The following DCTN1 variants were observed in gnomAD, a reference collection of about 807,000 sequenced individuals.
DCTN1 encodes the protein dynactin subunit 1.
DCTN1 carries 61 observed loss-of-function variants against 161.2 expected under a neutral mutation model. The ratio of observed to expected loss-of-function variants is 0.38; its 90% CI spans 0.31 to 0.47. The LOEUF (loss-of-function observed/expected upper bound fraction) is 0.47, where lower values mean the gene tolerates loss of function less well. Ranked by LOEUF, DCTN1 falls within the 20% of genes least tolerant of loss-of-function variation. The probability of loss-of-function intolerance (pLI) is 0.99; values close to 1 mark genes in which losing one functional copy is unlikely to be tolerated. For missense variants in DCTN1, 1,404 were observed against 1,623.7 expected (o/e 0.86, Z 2.33); for synonymous variants, 653 against 632.4 (o/e 1.03, Z -0.49).
chr2:74,362,537 A>G, intron 30 of DCTN1, 113 bp downstream of exon 30: 1 of 1,125,954 alleles, frequency 8.9e-7, no homozygotes, highest in Non-Finnish European at 1.3e-6. Context: ...CTTCCCTTCC[A>G]TCTCCTCCCC....
Position 74,368,821 on chromosome 2 carries a change from C to G in DCTN1, c.1761G>C (p.Leu587=), listed in dbSNP as rs772554067. 11 of 1,614,296 alleles carry G rather than the reference C, an allele frequency of 6.8e-6. No homozygotes were observed. Among genetic ancestry groups the G allele is most frequent in the Non-Finnish European group, 9.3e-6 (11 of 1,180,056 alleles). ...EVAQANRHMS[L]LTAFMPDSFL... is the part of the protein sequence containing the mutation. ...AGCTGTCAGGCATGAAGGCTGTCAG[C>G]AGGGACATGTGTCGATTGGCCTGGG... Residue 587 remains leucine (L), a synonymous_variant, in exon 16 of 32, where the codon CTG becomes CTC. Transcript: ENST00000628224.
In DCTN1 at chr2:74,363,078, A is replaced by G; in HGVS notation, c.3445T>C (p.Tyr1149His). 1.2e-6 allele frequency: 2 copies of G among 1,613,908 alleles called. No homozygotes were observed. The highest frequency in any genetic ancestry group is 1.7e-6 in the Non-Finnish European group (2 of 1,179,900). Residue 1149 changes from tyrosine to histidine, a missense_variant, in exon 29 of 32, where the codon TAT (tyrosine) becomes CAT (histidine). Tyr to His is a moderately conservative substitution (Grantham distance 83, BLOSUM62 2). This residue lies in a region of DCTN1 where 311 missense variants were observed against 298.9 expected (regional missense o/e 1.04). Transcript: ENST00000628224. ...PGSELPAGAL[Y>H]RKTSQLLETL... ...TCCAGCAGCTGGCTGGTCTTACGAT[A>G]CAGCGCTCCAGCTGGTAACTCACTG...
chr2:74,370,930 T>G lies in DCTN1; in HGVS notation c.843+49A>C, dbSNP rs1674793361. ...GCTCCAGTCTAGTTTCCAGCATGCT[T>G]CCTTAGGTCTCAGGCTGCCCCAGCC... On this transcript the variant is annotated intron_variant, in intron 9 of 31. Coordinates refer to ENST00000628224, the MANE Select transcript of DCTN1 (RefSeq NM_004082.5). This position sits in a 1 kb window ranked among gnomAD's most constrained non-coding sequence, Gnocchi z 4.4. 6.2e-7 allele frequency: 1 copy of G among 1,613,088 alleles called. No individual in the cohort carries two copies. The highest frequency in any genetic ancestry group is 1.3e-5 in the African/African-American group (1 of 74,884).
chr2:74,363,845 A>G, intron 26 of DCTN1: 1 of 654,626 alleles, frequency 1.5e-6, no homozygotes, highest in Non-Finnish European at 2.8e-6. Context: ...GTGAGGCCAC[A>G]AGACAGGGTA....
intron 23 of DCTN1, 42 bp from the exon 24 acceptor site, chr2:74,366,060 A>T (rs756911529): frequency 6.2e-7 from 1 of 1,613,980 alleles, no homozygotes; most frequent in Non-Finnish European, 8.5e-7. Context: ...GAGGGTGGAG[A>T]GAAGAGATCA....
At position 74,378,323 on chromosome 2, in the gene DCTN1, G is replaced by A; in HGVS notation, c.34-78C>T. On this transcript the variant is annotated intron_variant, in intron 1 of 31. Coordinates refer to ENST00000628224, the MANE Select transcript of DCTN1 (RefSeq NM_004082.5). ...ATTCTTATGTATAAGAAATGCCTCA[G>A]CCAAGATGCTGGACTGAAAAACAAC... 7.0e-6 allele frequency: 11 copies of A among 1,566,074 alleles called. No homozygotes were observed. The South Asian group carries it at 1.0e-4, about 14-fold the overall frequency.
At chr2:74,371,409 G>T in intron 8 of DCTN1, 128 bp downstream of exon 8, 1 of 1,249,534 alleles carries the variant, frequency 8.0e-7, no homozygotes, top group Non-Finnish European at 1.1e-6. Context: ...ATATCCATAG[G>T]CTATGTCCTC....
intron 2 of DCTN1, 37 bp from the exon 3 acceptor site, chr2:74,377,763 C>A: frequency 6.3e-7 from 1 of 1,589,396 alleles, no homozygotes. Flanking sequence ...TCAATAGTTT[C>A]AATATAGCCA....
At position 74,369,530 on chromosome 2, in the gene DCTN1, G is replaced by C. The variant is rs758683272; in HGVS notation, c.1393-39C>G. The C allele has an allele frequency of 5.0e-6, 8 of 1,603,640 alleles. No homozygotes were observed. The highest frequency in any genetic ancestry group is 3.3e-5 in the South Asian group (3 of 91,026). Reference sequence around the variant, plus strand: ...CCATAGTTTGGGCTAAAGAAAGGCAGGGTCGGCCAGCGGCGGTGGTTCACA... The same window carrying C: ...CCATAGTTTGGGCTAAAGAAAGGCACGGTCGGCCAGCGGCGGTGGTTCACA... On this transcript the variant is annotated intron_variant, in intron 13 of 31. Transcript: ENST00000628224. The surrounding 1 kb of genome is among the most constrained non-coding windows in gnomAD (Gnocchi z 4.9).
intron 2 of DCTN1, 121 bp downstream of exon 2, chr2:74,377,879 C>T: frequency 6.7e-7 from 1 of 1,501,898 alleles, no homozygotes; most frequent in South Asian, 1.2e-5. Context: ...CCCCCACTAC[C>T]TTCCACTCTC....
In DCTN1 at chr2:74,365,564, C is replaced by T; in HGVS notation, c.2980G>A (p.Val994Ile). Residue 994 changes from valine (V) to isoleucine (I), a missense_variant, in exon 25 of 32, where the codon GTC becomes ATC. Transcript: ENST00000628224. ...TGGGTCTCCTCCAGCCGAGTCTGGA[C>T]TTTCTCGATGCGCTCATCTGCATCC... Reference protein sequence around the residue: ...AKDADERIEKVQTRLEETQAL... With the variant: ...AKDADERIEKIQTRLEETQAL... 1.9e-6 allele frequency: 3 copies of T among 1,614,162 alleles called. No homozygotes were observed. The highest frequency in any genetic ancestry group is 2.5e-6 in the Non-Finnish European group (3 of 1,180,020).
At chr2:74,385,938 C>G (rs1478365819) in intron 1 of DCTN1, among the ~76,000 whole-genome samples, 2 of 152,134 alleles carry the variant, frequency 1.3e-5, no homozygotes, top group African/African-American at 4.8e-5. Flanking sequence ...AAAAATTCTC[C>G]TTTTCTAGGT....
intron 4 of DCTN1, among the ~76,000 whole-genome samples, chr2:74,377,045 C>T (rs1438086207): frequency 2.6e-5 from 4 of 152,218 alleles, no homozygotes; most frequent in Non-Finnish European, 5.9e-5. Context: ...CGGCTCCTTG[C>T]CATTCACTTG....
chr2:74,364,056 A>C (rs1674221292), intron 26 of DCTN1: 3 of 238,316 alleles, frequency 1.3e-5, no homozygotes, highest in Non-Finnish European at 1.7e-5. Flanking sequence ...CCTTGCTCCT[A>C]AGGATTCCCC....
intron 26 of DCTN1, 24 bp downstream of exon 26, chr2:74,365,051 T>G: frequency 6.2e-7 from 1 of 1,613,932 alleles, no homozygotes; most frequent in East Asian, 2.2e-5. Flanking sequence ...TCTGTGCTAG[T>G]GCTGCCTATT....
Position 74,370,130 on chromosome 2 carries a change from C to T in DCTN1, c.1287+56G>A. ...GAAGGTACCTAGAAAGAGGAGGCAT[C>T]AACTGATAGGAGAGTCAGGTGGGGG... On this transcript the variant is annotated intron_variant, in intron 12 of 31. Transcript: ENST00000628224. The surrounding 1 kb of genome is among the most constrained non-coding windows in gnomAD (Gnocchi z 4.4). 1 of 1,613,992 alleles carries T rather than the reference C, an allele frequency of 6.2e-7. No individual in the cohort carries two copies. The highest frequency in any genetic ancestry group is 8.5e-7 in the Non-Finnish European group (1 of 1,180,008).
In DCTN1 at chr2:74,366,634, C is replaced by G. The variant is rs369260205; in HGVS notation, c.2467-14G>C. Reference sequence around the variant, plus strand: ...CGTGTCAGATACCTGTGTGCCAGGCCAGAGTCAGGAGTCAACCCTGGGTTC... The same window carrying G: ...CGTGTCAGATACCTGTGTGCCAGGCGAGAGTCAGGAGTCAACCCTGGGTTC... On this transcript the variant is annotated splice_polypyrimidine_tract_variant and intron_variant, in intron 21 of 31. Transcript: ENST00000628224. The G allele has an allele frequency of 4.0e-5, 64 of 1,612,464 alleles. No homozygotes were observed. Among genetic ancestry groups the G allele is most frequent in the Non-Finnish European group, 5.1e-5 (60 of 1,180,034 alleles).
rs569631091 is a variant in DCTN1 at position 74,376,286 on chromosome 2, A to G, written c.414+456T>C. ...CACATGAAGGCTCTTAGGTTTTCCA[A>G]CTTGGGACTGTTCTTCCTAGGCTCT... is the stretch of plus-strand genomic sequence containing the variant. On this transcript the variant is annotated intron_variant, in intron 5 of 31. Coordinates refer to ENST00000628224, the MANE Select transcript of DCTN1 (RefSeq NM_004082.5). 5.9e-5 allele frequency among the ~76,000 whole-genome samples: 9 copies of G among 152,230 alleles called. No homozygotes were observed. The South Asian group carries it at 1.7e-3, about 28-fold the overall frequency.
In DCTN1 at chr2:74,367,732, A is replaced by G. The variant is rs1250363154; in HGVS notation, c.2148T>C (p.Asn716=). The change falls in exon 18 of 32, where the codon AAT becomes AAC. Residue 716 remains asparagine, a synonymous_variant. Coordinates refer to ENST00000628224, the MANE Select transcript of DCTN1 (RefSeq NM_004082.5). ...LHKDQLDETV[N]VEPLTKAIKY... Reference sequence around the variant, plus strand: ...TGATGGCCTTGGTGAGAGGCTCCACATTGACAGTCTCATCCAGCTGATCCT... The same window carrying G: ...TGATGGCCTTGGTGAGAGGCTCCACGTTGACAGTCTCATCCAGCTGATCCT... 6.2e-7 allele frequency: 1 copy of G among 1,614,154 alleles called. No homozygotes were observed. The highest frequency in any genetic ancestry group is 8.5e-7 in the Non-Finnish European group (1 of 1,180,036).
Sources: gnomAD v4.1 joint callset for allele counts (sites outside exome capture counted in the v4.1 genomes callset) on GRCh38, gnomAD v4.1.1 for gene constraint, gnomAD v4.1.1 regional missense constraint, Gnocchi (gnomAD v3.1) non-coding constraint, MANE v1.5 for transcripts, NCBI Gene and HGNC (gene_info 2026-07-23, HGNC 2026-07-21) for gene names.